Variants in GFOD1 observed in about 807,000 individuals in gnomAD.
GFOD1 encodes the protein Gfo/Idh/MocA-like oxidoreductase domain containing 1.
Under a neutral mutation model 25.4 loss-of-function variants are expected in GFOD1, and 9 were observed. The observed-to-expected ratio is 0.35, with a 90% confidence interval of 0.21 to 0.62. GFOD1 has a LOEUF of 0.62. Among genes scored for constraint, GFOD1 ranks in the 20% least tolerant of loss-of-function variants. GFOD1 has a pLI of 0.72. For synonymous variants in GFOD1, 253 were observed against 245.6 expected (o/e 1.03, Z -0.28); for missense variants, 403 against 556.9 (o/e 0.72, Z 2.78).
intron 1 of GFOD1, among the ~76,000 whole-genome samples, chr6:13,456,490 A>T (rs1466348521): frequency 1.3e-5 from 2 of 152,174 alleles, no homozygotes. Flanking sequence ...TAGCTTTTAA[A>T]AATTTCTCAT....
chr6:13,457,244 T>G (rs541305287), intron 1 of GFOD1, among the ~76,000 whole-genome samples: 1 of 152,316 alleles, frequency 6.6e-6, no homozygotes, highest in African/African-American at 2.4e-5. Context: ...ACCTGGACTT[T>G]CTGAAATTTT....
intron 1 of GFOD1, among the ~76,000 whole-genome samples, chr6:13,415,285 TG>T (rs1786144534): frequency 6.6e-6 from 1 of 152,206 alleles, no homozygotes; most frequent in African/African-American, 2.4e-5. Flanking sequence ...TTCTAGAATG[TG>T]CTTGCCTGTG....
At chr6:13,456,440 G>A (rs1442241767) in intron 1 of GFOD1, among the ~76,000 whole-genome samples, 2 of 152,302 alleles carry the variant, frequency 1.3e-5, no homozygotes, top group East Asian at 3.9e-4. Flanking sequence ...TTCCCAAAGT[G>A]CTGGGATTAC....
At chr6:13,371,159 A>G (rs1785143708) in intron 1 of GFOD1, among the ~76,000 whole-genome samples, 3 of 152,222 alleles carry the variant, frequency 2.0e-5, no homozygotes, top group Non-Finnish European at 2.9e-5. Flanking sequence ...TACCGGGAAG[A>G]CAGAAAATGA....
At chr6:13,393,780 CT>C (rs70989854) in intron 1 of GFOD1, among the ~76,000 whole-genome samples, 4,524 of 120,108 alleles carry the variant, frequency 0.038, 154 homozygotes, top group African/African-American at 0.13. Flanking sequence ...TTTTTCTTTT[CT>C]TTTTTTTTTT....
chr6:13,442,807 A>G (rs1562220516), intron 1 of GFOD1, among the ~76,000 whole-genome samples: 1 of 152,232 alleles, frequency 6.6e-6, no homozygotes. Flanking sequence ...CCACCTGGTC[A>G]CCCAAGAGCT....
chr6:13,440,012 C>A (rs779177885), intron 1 of GFOD1, among the ~76,000 whole-genome samples: 8 of 152,110 alleles, frequency 5.3e-5, no homozygotes, highest in Non-Finnish European at 8.8e-5. Context: ...AATCCCAGAA[C>A]CTGAGACCTT....
At chr6:13,376,715 G>A (rs1785263986) in intron 1 of GFOD1, among the ~76,000 whole-genome samples, 1 of 152,186 alleles carries the variant, frequency 6.6e-6, no homozygotes, top group African/African-American at 2.4e-5. Context: ...CCTGGCTGTT[G>A]AGAAATAAAG....
intron 1 of GFOD1, among the ~76,000 whole-genome samples, chr6:13,371,434 G>A (rs1785152919): frequency 6.6e-6 from 1 of 152,118 alleles, no homozygotes; most frequent in Non-Finnish European, 1.5e-5. Context: ...CGTTCTTTAG[G>A]TCTCAGGTTT....
At chr6:13,470,277 C>T in intron 1 of GFOD1, 1 of 1,590,294 alleles carries the variant, frequency 6.3e-7, no homozygotes, top group Non-Finnish European at 8.6e-7. Flanking sequence ...CTGGAATCCC[C>T]CATGCCAGCA....
intron 1 of GFOD1, among the ~76,000 whole-genome samples, chr6:13,459,739 A>T (rs1215823935): frequency 1.3e-5 from 2 of 152,268 alleles, no homozygotes; most frequent in Non-Finnish European, 2.9e-5. Context: ...GCCAACAAAC[A>T]TATGAAAAAA....
intron 1 of GFOD1, among the ~76,000 whole-genome samples, chr6:13,479,789 A>C (rs1360494938): frequency 6.6e-6 from 1 of 152,250 alleles, no homozygotes; most frequent in East Asian, 1.9e-4. Context: ...ATAATGCCCA[A>C]GGGCTTCCTC....
chr6:13,441,496 T>C (rs1266532102), intron 1 of GFOD1, among the ~76,000 whole-genome samples: 1 of 152,260 alleles, frequency 6.6e-6, no homozygotes, highest in Non-Finnish European at 1.5e-5. Flanking sequence ...TTAAAAAATG[T>C]ATCTTTTCCT....
chr6:13,400,633 T>C (rs1222142748), intron 1 of GFOD1, among the ~76,000 whole-genome samples: 1 of 152,212 alleles, frequency 6.6e-6, no homozygotes, highest in Non-Finnish European at 1.5e-5. Context: ...GTGCTGCTGA[T>C]GGAAAAATAC....
At chr6:13,387,241 T>C (rs1458003573) in intron 1 of GFOD1, among the ~76,000 whole-genome samples, 2 of 152,198 alleles carry the variant, frequency 1.3e-5, no homozygotes, top group Non-Finnish European at 2.9e-5. Flanking sequence ...AATGCCCAGA[T>C]AATCTGACAA....
chr6:13,364,512 G>A lies in GFOD1; in HGVS notation c.*231C>T. ...CAAATACCCAGCAGGGATCATCCCA[G>A]GAATGGCAGGCTCTCCTGAATGCTT... On this transcript the variant is annotated 3_prime_UTR_variant, in exon 2 of 2. Transcript: ENST00000379287. The surrounding 1 kb of genome is among the most constrained non-coding windows in gnomAD (Gnocchi z 4.1). The A allele has an allele frequency of 3.5e-6, 2 of 566,000 alleles. No individual in the cohort carries two copies. Among genetic ancestry groups the A allele is most frequent in the Non-Finnish European group, 6.3e-6 (2 of 317,162 alleles). The allele number at this position is 566,000 out of a possible 1,614,324, so 35.1% of individuals were successfully genotyped here.
intron 1 of GFOD1, among the ~76,000 whole-genome samples, chr6:13,434,794 G>A (rs77999059): frequency 0.025 from 3,823 of 152,326 alleles, 164 homozygotes; most frequent in African/African-American, 0.085. Flanking sequence ...GTTCTCAGAA[G>A]AGCAGGCTAC....
At chr6:13,372,635 A>G (rs1362035560) in intron 1 of GFOD1, among the ~76,000 whole-genome samples, 6 of 152,176 alleles carry the variant, frequency 3.9e-5, no homozygotes, top group Non-Finnish European at 1.5e-5. Context: ...CTGTTGTCCC[A>G]CAGAGCAGGT....
chr6:13,394,914 T>C (rs1785696956), intron 1 of GFOD1, among the ~76,000 whole-genome samples: 1 of 152,040 alleles, frequency 6.6e-6, no homozygotes, highest in Non-Finnish European at 1.5e-5. Flanking sequence ...ATTACAGGCG[T>C]GAGCCACCAT....
Sources: gnomAD v4.1 joint callset for allele counts (sites outside exome capture counted in the v4.1 genomes callset) on GRCh38, gnomAD v4.1.1 for gene constraint, Gnocchi (gnomAD v3.1) non-coding constraint, MANE v1.5 for transcripts, NCBI Gene and HGNC (gene_info 2026-07-23, HGNC 2026-07-21) for gene names.